Variants in RGS6 observed in about 807,000 individuals in gnomAD.
RGS6 encodes the protein regulator of G-protein signaling 6.
In RGS6, 30 loss-of-function variants were observed where a neutral mutation model predicts 78.5. That is an observed-to-expected ratio of 0.38 (90% CI 0.29 to 0.52). The LOEUF is 0.52. Among genes scored for constraint, RGS6 ranks in the 20% least tolerant of loss-of-function variants. The pLI is 0.85. For missense variants in RGS6, 495 were observed against 609.7 expected (o/e 0.81, Z 1.98); for synonymous variants, 206 against 206.0 (o/e 1.00, Z 0.00).
chr14:72,436,587 C>T (rs945789693), intron 3 of RGS6, among the ~76,000 whole-genome samples: 4 of 152,188 alleles, frequency 2.6e-5, no homozygotes, highest in Non-Finnish European at 4.4e-5. Flanking sequence ...ATCAGGTGGG[C>T]AGAAATGGGC....
At chr14:71,990,247 G>T (rs931132296) in intron 2 of RGS6, among the ~76,000 whole-genome samples, 3 of 152,162 alleles carry the variant, frequency 2.0e-5, no homozygotes, top group African/African-American at 7.2e-5. Flanking sequence ...CACCACCACA[G>T]TGGGGAGCAA....
At chr14:72,170,436 CT>C (rs2096996524) in intron 2 of RGS6, among the ~76,000 whole-genome samples, 1 of 152,186 alleles carries the variant, frequency 6.6e-6, no homozygotes, top group South Asian at 2.1e-4. Context: ...GCCTCCTTCA[CT>C]TTTCAGTAGC....
intron 2 of RGS6, among the ~76,000 whole-genome samples, chr14:72,023,291 A>G (rs1266473870): frequency 1.7e-4 from 26 of 152,230 alleles, no homozygotes; most frequent in Non-Finnish European, 4.4e-5. Flanking sequence ...CCTTCCGGCT[A>G]CCCAAGAAAG....
At chr14:72,098,578 C>A (rs1371783035) in intron 2 of RGS6, among the ~76,000 whole-genome samples, 1 of 152,198 alleles carries the variant, frequency 6.6e-6, no homozygotes, top group Non-Finnish European at 1.5e-5. Context: ...TTGACAGGCA[C>A]AGGATTTTTG....
chr14:72,553,265 C>T (rs1189193060), intron 17 of RGS6: 1 of 152,656 alleles, frequency 6.6e-6, no homozygotes, highest in Admixed American at 6.5e-5. Flanking sequence ...TCTTCACTTC[C>T]CTTCCTAAAA....
chr14:72,402,237 T>A (rs2092484057), intron 3 of RGS6, among the ~76,000 whole-genome samples: 1 of 152,188 alleles, frequency 6.6e-6, no homozygotes, highest in African/African-American at 2.4e-5. Flanking sequence ...AGGTAGTGTT[T>A]CTGGAGGAAC....
intron 1 of RGS6, among the ~76,000 whole-genome samples, chr14:71,951,300 G>A (rs1162889192): frequency 3.9e-5 from 6 of 151,992 alleles, no homozygotes; most frequent in East Asian, 1.9e-4. Flanking sequence ...GCAAACAAAC[G>A]CAGGAGCAGA....
At chr14:72,452,620 A>G (rs2095525264) in intron 3 of RGS6, among the ~76,000 whole-genome samples, 3 of 152,236 alleles carry the variant, frequency 2.0e-5, no homozygotes, top group Admixed American at 2.0e-4. Flanking sequence ...TCAGCCAGGA[A>G]TCCAGCCCAG....
At chr14:72,002,017 C>T (rs1333638458) in intron 2 of RGS6, among the ~76,000 whole-genome samples, 1 of 151,346 alleles carries the variant, frequency 6.6e-6, no homozygotes, top group Non-Finnish European at 1.5e-5. Context: ...ATCCTCCCTC[C>T]TCAGCCTCCC....
At chr14:71,929,175 A>G (rs943568188), upstream of RGS6, among the ~76,000 whole-genome samples, 5 of 152,174 alleles carry the variant, frequency 3.3e-5, no homozygotes, top group African/African-American at 1.2e-4. Flanking sequence ...AATAACAATG[A>G]TCCATTTTAA....
intron 2 of RGS6, among the ~76,000 whole-genome samples, chr14:72,328,563 T>C (rs559197103): frequency 1.3e-5 from 2 of 152,160 alleles, no homozygotes; most frequent in South Asian, 2.1e-4. Flanking sequence ...TAGGCATGAC[T>C]CATAAAGAGT....
intron 1 of RGS6, among the ~76,000 whole-genome samples, chr14:71,964,480 T>C (rs2093398053): frequency 6.6e-6 from 1 of 152,096 alleles, no homozygotes; most frequent in Non-Finnish European, 1.5e-5. Context: ...CACTCTAGCC[T>C]GGGCAATAAG....
At chr14:72,415,890 C>G (rs2093773864) in intron 3 of RGS6, among the ~76,000 whole-genome samples, 1 of 152,172 alleles carries the variant, frequency 6.6e-6, no homozygotes. Context: ...CAGCTCACGT[C>G]TGTAATCCCA....
chr14:72,014,181 C>T (rs1014915530), intron 2 of RGS6, among the ~76,000 whole-genome samples: 5 of 152,156 alleles, frequency 3.3e-5, no homozygotes, highest in African/African-American at 9.7e-5. Context: ...ACTCCTAGGG[C>T]GTTCTCAGTG....
chr14:72,570,124 A>T (rs2097718617), downstream of RGS6, among the ~76,000 whole-genome samples: 2 of 152,368 alleles, frequency 1.3e-5, no homozygotes, highest in South Asian at 4.1e-4. Flanking sequence ...AAATATTTTT[A>T]AAAATTAAAA....
chr14:72,577,455 A>G, the RGS6 span, among the ~76,000 whole-genome samples: 1 of 152,100 alleles, frequency 6.6e-6, no homozygotes, highest in Non-Finnish European at 1.5e-5. Flanking sequence ...CACCTTTTCT[A>G]CCACTATATT....
chr14:72,319,697 T>C (rs2071362946), intron 2 of RGS6, among the ~76,000 whole-genome samples: 1 of 152,010 alleles, frequency 6.6e-6, no homozygotes, highest in Admixed American at 6.5e-5. Context: ...CAAAGTAAAA[T>C]AGACACTAGA....
chr14:72,539,008 T>A (rs2097286112), intron 16 of RGS6, among the ~76,000 whole-genome samples: 1 of 152,220 alleles, frequency 6.6e-6, no homozygotes, highest in South Asian at 2.1e-4. Flanking sequence ...TATGTGAGTG[T>A]GTGCACTCTC....
chr14:72,194,171 C>T (rs1040270551), intron 2 of RGS6, among the ~76,000 whole-genome samples: 11 of 151,892 alleles, frequency 7.2e-5, no homozygotes, highest in African/African-American at 9.7e-5. Flanking sequence ...ATTTTGAAGG[C>T]GGAGTTCATT....
Sources: gnomAD v4.1 joint callset for allele counts (sites outside exome capture counted in the v4.1 genomes callset) on GRCh38, gnomAD v4.1.1 for gene constraint, MANE v1.5 for transcripts, NCBI Gene and HGNC (gene_info 2026-07-23, HGNC 2026-07-21) for gene names.